The following PCSK7 variants were observed in gnomAD, a reference collection of about 807,000 sequenced individuals.
PCSK7 encodes lymphoma proprotein convertase.
Under a neutral mutation model 73.3 loss-of-function variants are expected in PCSK7, and 38 were observed. The observed-to-expected ratio is 0.52, with a 90% confidence interval of 0.40 to 0.68. PCSK7 has a LOEUF of 0.68. Among genes scored for constraint, PCSK7 ranks in the 30% least tolerant of loss-of-function variants. The pLI is 0.00. For missense variants in PCSK7, 692 were observed against 991.5 expected, an observed-to-expected ratio of 0.70 and a Z score of 4.06; for synonymous variants, 296 against 383.8, an observed-to-expected ratio of 0.77 and a Z score of 2.68.
At position 117,229,808 on chromosome 11, in the gene PCSK7, C is replaced by CA; in HGVS notation, c.36dup (p.Ala13CysfsTer33). 6.3e-7 allele frequency: 1 copy of CA among 1,591,972 alleles called. No homozygotes were observed. The highest frequency in any genetic ancestry group is 8.6e-7 in the Non-Finnish European group (1 of 1,168,462). ...AGGCAGGTGGGCAGGCCCAGGGGGGCATCCAAGTGTGGCACTTTCTGCCTC... is the reference window on the plus strand; with the variant it reads ...AGGCAGGTGGGCAGGCCCAGGGGGGCAATCCAAGTGTGGCACTTTCTGCCTC... On this transcript the variant is annotated frameshift_variant, in exon 3 of 17. Transcript: ENST00000320934. LOFTEE classifies it high-confidence loss of function.
At chr11:117,230,017 C>T in intron 2 of PCSK7, 161 bp from the exon 3 acceptor site, 1 of 579,258 alleles carries the variant, frequency 1.7e-6, no homozygotes, top group East Asian at 2.9e-5. Context: ...TCACATTTAT[C>T]CCTGACCAAC....
intron 5 of PCSK7, 47 bp downstream of exon 5, chr11:117,227,110 T>G: frequency 6.7e-7 from 1 of 1,484,672 alleles, no homozygotes; most frequent in Non-Finnish European, 9.1e-7. Context: ...ATGAAGACTG[T>G]GGTCACAGGA....
chr11:117,212,761 T>C (rs2031791874), intron 12 of PCSK7: 1 of 144,676 alleles, frequency 6.9e-6, no homozygotes, highest in Admixed American at 7.2e-5. Flanking sequence ...GTCGCCAGAC[T>C]GGAGCACAGT....
intron 4 of PCSK7, 106 bp from the exon 5 acceptor site, chr11:117,227,428 G>T: frequency 1.2e-6 from 1 of 837,598 alleles, no homozygotes; most frequent in Non-Finnish European, 2.0e-6. Flanking sequence ...CGAAGCTAGG[G>T]CGATAAGCTC....
Position 117,223,241 on chromosome 11 carries a change from G to T in PCSK7, c.1122C>A (p.Thr374=). The change falls in exon 9 of 17, where the codon ACC becomes ACA. Residue 374 remains threonine (T), a synonymous_variant. Coordinates refer to ENST00000320934, the MANE Select transcript of PCSK7 (RefSeq NM_004716.4). ...GAAGCATCTTGTCCCCACCACTGAA[G>T]GTGACTGCCAGCATGGAGGCACATT... is the stretch of plus-strand genomic sequence containing the variant. ...AEECASMLAV[T]FSGGDKMLRS... The T allele has an allele frequency of 6.2e-7, 1 of 1,613,614 alleles. No homozygotes were observed. Among genetic ancestry groups the T allele is most frequent in the Non-Finnish European group, 8.5e-7 (1 of 1,179,528 alleles).
At chr11:117,223,372 A>C in intron 8 of PCSK7, 64 bp from the exon 9 acceptor site, 1 of 980,386 alleles carries the variant, frequency 1.0e-6, no homozygotes, top group Non-Finnish European at 1.7e-6. Flanking sequence ...GGGGCTTGCT[A>C]ATGTCAGTTA....
chr11:117,224,655 T>G (rs1006293508), intron 7 of PCSK7, 46 bp downstream of exon 7: 3 of 1,479,138 alleles, frequency 2.0e-6, no homozygotes, highest in Non-Finnish European at 2.8e-6. Flanking sequence ...CGGGACTGTA[T>G]GAAGAGGGCA....
chr11:117,226,143 T>C (rs1486033177), intron 5 of PCSK7, 122 bp from the exon 6 acceptor site: 1 of 399,636 alleles, frequency 2.5e-6, no homozygotes. Flanking sequence ...ACATTTTGCT[T>C]TTTTTTTTTT....
chr11:117,222,559 C>T (rs2032244431), intron 9 of PCSK7: 1 of 152,076 alleles, frequency 6.6e-6, no homozygotes, highest in Non-Finnish European at 1.5e-5. Flanking sequence ...TTAGCAAAAG[C>T]CCAAATTTTA....
intron 12 of PCSK7, chr11:117,217,810 C>G (rs1302704807): frequency 6.6e-6 from 1 of 152,192 alleles, no homozygotes; most frequent in African/African-American, 2.4e-5. Flanking sequence ...ACAGGGCATC[C>G]TCTGCACAAG....
intron 12 of PCSK7, chr11:117,211,250 A>C (rs1414278557): frequency 6.6e-6 from 1 of 152,436 alleles, no homozygotes; most frequent in Admixed American, 6.5e-5. Context: ...AGCTGGGATT[A>C]CAGGCGCATG....
intron 12 of PCSK7, chr11:117,217,293 T>C (rs1024082266): frequency 1.3e-5 from 2 of 150,962 alleles, no homozygotes; most frequent in Non-Finnish European, 3.0e-5. Context: ...ATTTGACAGA[T>C]GCAACAGGAA....
rs473093 is a variant in PCSK7, at chr11:117,206,223, C to G, written c.2132G>C (p.Arg711Pro). 5.0e-6 allele frequency: 8 copies of G among 1,613,656 alleles called. No homozygotes were observed. The South Asian group carries it at 8.8e-5, about 18-fold the overall frequency. Reference protein sequence around the residue: ...SGPCHWPHRSRKAKEEGTELE... With the variant: ...SGPCHWPHRSPKAKEEGTELE... ...CTCTGTCCCTTCCTCCTTGGCTTTC[C>G]GGCTCCGATGGGGCCAGTGGCAGGG... Residue 711 changes from arginine (R) to proline (P), a missense_variant, in exon 17 of 17, where the codon CGG becomes CCG. By Grantham distance (103) the Arg-to-Pro change is moderately radical. Coordinates refer to ENST00000320934, the MANE Select transcript of PCSK7 (RefSeq NM_004716.4).
rs1418783330 is a variant in PCSK7, at chr11:117,205,608, G to GTGA, written c.*386_*388dup. The GTGA allele has an allele frequency of 8.2e-6, 2 of 245,286 alleles. No individual in the cohort carries two copies. Among genetic ancestry groups the GTGA allele is most frequent in the Non-Finnish European group, 1.6e-5 (2 of 126,696 alleles). 15.2% of individuals were successfully genotyped at this position (245,286 alleles called of 1,614,324 possible). A position where few individuals can be genotyped will look rare whatever the true frequency, so the allele number is the denominator to read the frequency against. On this transcript the variant is annotated 3_prime_UTR_variant, in exon 17 of 17. Transcript: ENST00000320934. Reference sequence around the variant, plus strand: ...GAAGTCCTCTTCCCAAGTGACCCCAGTGATGTTTCCATTGAGATGCGCTCC... The same window carrying GTGA: ...GAAGTCCTCTTCCCAAGTGACCCCAGTGATGATGTTTCCATTGAGATGCGCTCC...
intron 12 of PCSK7, chr11:117,214,717 T>C (rs1434404224): frequency 6.6e-6 from 1 of 152,228 alleles, no homozygotes; most frequent in Non-Finnish European, 1.5e-5. Flanking sequence ...GTTCATTCAT[T>C]TGAAAAGTTG....
intron 6 of PCSK7, chr11:117,225,014 G>T: frequency 2.4e-6 from 1 of 420,064 alleles, no homozygotes; most frequent in Non-Finnish European, 4.4e-6. Flanking sequence ...GAGGGACAGA[G>T]GTCACTCATC....
At chr11:117,226,899 T>A (rs2032451689) in intron 5 of PCSK7, 2 of 411,314 alleles carry the variant, frequency 4.9e-6, no homozygotes, top group Non-Finnish European at 8.6e-6. Context: ...TATCGGATCA[T>A]AGAGGAAAAA....
At chr11:117,225,739 G>A in intron 6 of PCSK7, 192 bp downstream of exon 6, 1 of 612,290 alleles carries the variant, frequency 1.6e-6, no homozygotes, top group Non-Finnish European at 2.9e-6. Flanking sequence ...TCTGATTACG[G>A]GGGTGACGGG....
At position 117,204,468 on chromosome 11, in the gene PCSK7, G is replaced by A. The variant is rs1452416532; in HGVS notation, c.*1529C>T. Reference sequence around the variant, plus strand: ...GTGTGGTACCTTCAGCCCTGGCCAAGCTTTGAGGCTCTGTCACTGAGCAAT... The same window carrying A: ...GTGTGGTACCTTCAGCCCTGGCCAAACTTTGAGGCTCTGTCACTGAGCAAT... On this transcript the variant is annotated 3_prime_UTR_variant, in exon 17 of 17. Coordinates refer to ENST00000320934, the MANE Select transcript of PCSK7 (RefSeq NM_004716.4). The A allele has an allele frequency of 6.5e-7, 1 of 1,530,344 alleles. No homozygotes were observed. Among genetic ancestry groups the A allele is most frequent in the Non-Finnish European group, 8.9e-7 (1 of 1,119,240 alleles). 94.8% of individuals were successfully genotyped at this position (1,530,344 alleles called of 1,614,324 possible).
Sources: gnomAD v4.1 joint callset for allele counts on GRCh38, gnomAD v4.1.1 for gene constraint, MANE v1.5 for transcripts, NCBI Gene and HGNC (gene_info 2026-07-23, HGNC 2026-07-21) for gene names.